Variants in ARMCX4 observed in about 807,000 individuals in gnomAD.
The protein encoded by ARMCX4 is armadillo repeat containing X-linked 4.
ARMCX4 carries 3 observed loss-of-function variants against 34.7 expected under a neutral mutation model. That is an observed-to-expected ratio of 0.09 (90% CI 0.04 to 0.22). The LOEUF is 0.22. Among genes scored for constraint, ARMCX4 ranks in the 10% least tolerant of loss-of-function variants. The probability of loss-of-function intolerance (pLI) is 1.00; values close to 1 mark genes in which losing one functional copy is unlikely to be tolerated. For missense variants in ARMCX4, 1,448 were observed against 1,720.8 expected, an observed-to-expected ratio of 0.84 and a Z score of 2.81; for synonymous variants, 513 against 632.8, an observed-to-expected ratio of 0.81 and a Z score of 2.84.
chrX:101,510,783 TA>T (rs1322743254), intron 10 of ARMCX4, among the ~76,000 whole-genome samples: 3 of 111,679 alleles, frequency 2.7e-5, no homozygotes, highest in Non-Finnish European at 5.6e-5. Context: ...ATGGGATTTT[TA>T]GGAAGAAATA....
At chrX:101,458,030 C>T (rs1360691328) in intron 4 of ARMCX4, among the ~76,000 whole-genome samples, 1 of 111,482 alleles carries the variant, frequency 9.0e-6, no homozygotes, top group Admixed American at 9.5e-5. Context: ...GCATGAGCCA[C>T]TGTGCCTGGC....
chrX:101,449,673 A>G (rs931147901), downstream of ARMCX4, among the ~76,000 whole-genome samples: 1 of 112,136 alleles, frequency 8.9e-6, no homozygotes, highest in Non-Finnish European at 1.9e-5. Context: ...TTCTCTGTCT[A>G]AAAGATAGCA....
chrX:101,438,765 C>A (rs1333294253), intron 2 of ARMCX4, among the ~76,000 whole-genome samples: 1 of 111,003 alleles, frequency 9.0e-6, no homozygotes, highest in Non-Finnish European at 1.9e-5. Context: ...GGTTTAAAGT[C>A]TGTTTTATCA....
In ARMCX4 at chrX:101,495,036, G is replaced by A; in HGVS notation, c.6447G>A (p.Arg2149=). 2 of 1,152,968 alleles carry A rather than the reference G, an allele frequency of 1.7e-6. No individual in the cohort carries two copies. Among genetic ancestry groups the A allele is most frequent in the Non-Finnish European group, 1.1e-6 (1 of 870,185 alleles). Reference sequence around the variant, plus strand: ...AGTTGGCTGGACTAAGGTTGATAAGGCATCTGACTATTACCAGTGAATATC... The same window carrying A: ...AGTTGGCTGGACTAAGGTTGATAAGACATCTGACTATTACCAGTGAATATC... The part of the protein sequence containing the change: ...NVQLAGLRLI[R]HLTITSEYQH... Residue 2149 remains arginine (R), a synonymous_variant, in exon 6 of 6, where the codon AGG becomes AGA. Coordinates refer to ENST00000423738, the MANE Select transcript of ARMCX4 (RefSeq NM_001256155.3).
At chrX:101,439,876 G>A (rs188632653) in intron 2 of ARMCX4, among the ~76,000 whole-genome samples, 1,780 of 110,904 alleles carry the variant, frequency 0.016, 42 homozygotes, top group African/African-American at 0.055. Context: ...TTAGCCATTC[G>A]TCTAATTTTT....
At chrX:101,453,201 C>G (rs1223236439) in intron 4 of ARMCX4, among the ~76,000 whole-genome samples, 8 of 111,383 alleles carry the variant, frequency 7.2e-5, no homozygotes, top group African/African-American at 2.6e-4. Context: ...TTTGAGCTTG[C>G]TAAGTCATAG....
At chrX:101,534,951 G>A (rs1381011961), downstream of ARMCX4, among the ~76,000 whole-genome samples, 2 of 111,712 alleles carry the variant, frequency 1.8e-5, no homozygotes, top group Non-Finnish European at 3.8e-5. Context: ...AATTGGCATG[G>A]CACTTAAAGA....
At chrX:101,426,745 G>A (rs976333537) in intron 2 of ARMCX4, among the ~76,000 whole-genome samples, 10 of 111,788 alleles carry the variant, frequency 8.9e-5, no homozygotes, top group African/African-American at 3.3e-4. Flanking sequence ...ATGGTAAAAT[G>A]GAGGTACAGC....
chrX:101,471,381 G>A (rs1556002954), intron 4 of ARMCX4, among the ~76,000 whole-genome samples: 2 of 111,348 alleles, frequency 1.8e-5, no homozygotes, highest in African/African-American at 6.5e-5. Context: ...AGGCATCTTT[G>A]CCTTCCTCTA....
chrX:101,530,206 C>T (rs1202466679), intron 11 of ARMCX4, among the ~76,000 whole-genome samples: 2 of 111,452 alleles, frequency 1.8e-5, no homozygotes, highest in Non-Finnish European at 3.8e-5. Context: ...AAGCTGGAAA[C>T]CATCATTCTG....
chrX:101,454,716 C>T (rs1932180135), intron 4 of ARMCX4, among the ~76,000 whole-genome samples: 1 of 111,332 alleles, frequency 9.0e-6, no homozygotes, highest in Non-Finnish European at 1.9e-5. Flanking sequence ...GAATCCTTCC[C>T]AAAGTAAATG....
intron 4 of ARMCX4, among the ~76,000 whole-genome samples, chrX:101,468,405 C>A (rs1445927861): frequency 1.8e-5 from 2 of 109,213 alleles, no homozygotes; most frequent in African/African-American, 6.7e-5. Context: ...GATCCTCCTG[C>A]CTCAGCCTCT....
In ARMCX4 at chrX:101,477,089, A is replaced by G. The variant is rs782316772; in HGVS notation, c.-472-8934A>G. ...ATGGATCATATATTAATAAAATACA[A>G]CTAATCAAAACTGGCTCAAGAAGTA... On this transcript the variant is annotated intron_variant and NMD_transcript_variant, in intron 4 of 15. Coordinates refer to the ARMCX4 transcript ENST00000433011. 2.7e-5 allele frequency among the ~76,000 whole-genome samples: 3 copies of G among 111,346 alleles called. No homozygotes were observed. The East Asian group carries it at 8.4e-4, about 31-fold the overall frequency.
At chrX:101,534,277 G>C (rs1165968270), downstream of ARMCX4, among the ~76,000 whole-genome samples, 3 of 111,534 alleles carry the variant, frequency 2.7e-5, no homozygotes, top group Non-Finnish European at 5.7e-5. Context: ...TGGATAGAAA[G>C]ATATTCCTGT....
intron 2 of ARMCX4, among the ~76,000 whole-genome samples, chrX:101,419,995 C>T (rs781823740): frequency 8.9e-6 from 1 of 112,053 alleles, no homozygotes; most frequent in South Asian, 3.6e-4. Flanking sequence ...TTCCCATTGG[C>T]GGAAGGCACT....
In ARMCX4 at chrX:101,506,925, A is replaced by G. The variant is rs782684584; in HGVS notation, c.*1596+1570A>G. Among the ~76,000 whole-genome samples, 5 of 111,876 alleles carry G rather than the reference A, an allele frequency of 4.5e-5. No homozygotes were observed. In the East Asian group the frequency reaches 1.4e-3, roughly 31 times the overall value. On this transcript the variant is annotated intron_variant and NMD_transcript_variant, in intron 8 of 12. Transcript: ENST00000354842. ...TCCTTTTAAAATTACTTTTAATTCC[A>G]GATTACTTACAATTCTCTTAACTAT...
Position 101,489,461 on chromosome X carries a change from A to T in ARMCX4, c.872A>T (p.Asp291Val), listed in dbSNP as rs1556007944. 2 of 1,152,858 alleles carry T rather than the reference A, an allele frequency of 1.7e-6. No individual in the cohort carries two copies. The highest frequency in any genetic ancestry group is 2.3e-4 in the Middle Eastern group (1 of 4,288). Reference sequence around the variant, plus strand: ...CAGGCTGTGACCAAGATCCAGGGTGATGACATGCCTGGTACTGGGGTTGAG... The same window carrying T: ...CAGGCTGTGACCAAGATCCAGGGTGTTGACATGCCTGGTACTGGGGTTGAG... ...QSQAVTKIQG[D>V]DMPGTGVEDM... The change falls in exon 6 of 6, where the codon GAT (aspartate) becomes GTT (valine). Residue 291 changes from aspartate to valine, a missense_variant. Coordinates refer to ENST00000423738, the MANE Select transcript of ARMCX4 (RefSeq NM_001256155.3).
chrX:101,489,496 A>T lies in ARMCX4; in HGVS notation c.907A>T (p.Asn303Tyr), dbSNP rs1556007958. The T allele has an allele frequency of 8.7e-7, 1 of 1,153,247 alleles. No homozygotes were observed. The highest frequency in any genetic ancestry group is 1.8e-5 in the African/African-American group (1 of 55,523). The change falls in exon 6 of 6, where the codon AAT becomes TAT. Residue 303 changes from asparagine (N) to tyrosine (Y), a missense_variant. By Grantham distance (143) the Asn-to-Tyr change is moderately radical. Transcript: ENST00000423738. ...TGGTACTGGGGTTGAGGACATGGGGAATTGTAAAACCATGTCTAGGGCAGA... is the reference window on the plus strand; with the variant it reads ...TGGTACTGGGGTTGAGGACATGGGGTATTGTAAAACCATGTCTAGGGCAGA... ...MPGTGVEDMG[N>Y]CKTMSRAESG...
upstream of ARMCX4, among the ~76,000 whole-genome samples, chrX:101,482,671 A>T (rs1933503166): frequency 9.0e-6 from 1 of 110,574 alleles, no homozygotes; most frequent in African/African-American, 3.3e-5. Context: ...AAGTATTGGG[A>T]TTATAGGCGT....
Sources: gnomAD v4.1 joint callset for allele counts (sites outside exome capture counted in the v4.1 genomes callset) on GRCh38, gnomAD v4.1.1 for gene constraint, MANE v1.5 for transcripts, NCBI Gene and HGNC (gene_info 2026-07-23, HGNC 2026-07-21) for gene names.